Variants in TUSC3 observed in about 807,000 individuals in gnomAD.
TUSC3 encodes the protein tumor suppressor candidate 3.
In TUSC3, 45 loss-of-function variants were observed where a neutral mutation model predicts 44.8. The observed-to-expected ratio is 1.00, with a 90% CI of 0.79 to 1.29. The LOEUF is 1.29. Ranked by LOEUF, TUSC3 falls within the 50% of genes most tolerant of loss-of-function variation. The pLI is 0.00. For missense variants in TUSC3, 519 were observed against 437.9 expected (o/e 1.19, Z -1.65); for synonymous variants, 212 against 152.9 (o/e 1.39, Z -2.85).
chr8:15,546,639 A>T (rs953472476), intron 1 of TUSC3, among the ~76,000 whole-genome samples: 1 of 151,504 alleles, frequency 6.6e-6, no homozygotes, highest in Non-Finnish European at 1.5e-5. Context: ...GGGTTCAAGC[A>T]ATCCCCCTGC....
upstream of TUSC3, among the ~76,000 whole-genome samples, chr8:15,539,760 TGAATGA>T (rs1420685787): frequency 1.3e-5 from 2 of 152,132 alleles, no homozygotes; most frequent in Non-Finnish European, 2.9e-5. Context: ...CCATGGATGC[TGAATGA>T]GTCATTGAAT....
intron 1 of TUSC3, among the ~76,000 whole-genome samples, chr8:15,605,648 A>G (rs920612625): frequency 6.6e-6 from 1 of 151,988 alleles, no homozygotes; most frequent in Non-Finnish European, 1.5e-5. Flanking sequence ...GAGGGCATAA[A>G]ATGTATATAC....
At chr8:15,835,701 G>C in the TUSC3 span, among the ~76,000 whole-genome samples, 2 of 152,266 alleles carry the variant, frequency 1.3e-5, no homozygotes, top group African/African-American at 4.8e-5. Flanking sequence ...GCAGCTAGGA[G>C]AGAAGATACA....
intron 2 of TUSC3, among the ~76,000 whole-genome samples, chr8:15,507,541 C>G (rs5017330): frequency 0.46 from 69,985 of 151,856 alleles, 17,220 homozygotes; most frequent in Non-Finnish European, 0.57. Flanking sequence ...AGGAGTCTCT[C>G]CCTTTTTTGA....
chr8:15,703,654 T>G (rs898622444), intron 6 of TUSC3, among the ~76,000 whole-genome samples: 1 of 152,100 alleles, frequency 6.6e-6, no homozygotes, highest in African/African-American at 2.4e-5. Context: ...GCCAAAGTTA[T>G]GGGGAGCCAG....
intron 2 of TUSC3, among the ~76,000 whole-genome samples, chr8:15,638,656 G>A (rs900734127): frequency 2.6e-5 from 4 of 151,388 alleles, no homozygotes; most frequent in Admixed American, 6.6e-5. Context: ...CTCCTTAGTA[G>A]CTGGGATTAC....
intron 1 of TUSC3, among the ~76,000 whole-genome samples, chr8:15,621,013 C>T (rs1381198085): frequency 6.6e-6 from 1 of 151,618 alleles, no homozygotes; most frequent in Non-Finnish European, 1.5e-5. Flanking sequence ...GTGTGTTGTG[C>T]ATGTGTGTAA....
intron 1 of TUSC3, among the ~76,000 whole-genome samples, chr8:15,611,268 A>G (rs1337447758): frequency 2.6e-5 from 4 of 152,004 alleles, no homozygotes; most frequent in African/African-American, 9.7e-5. Flanking sequence ...CTCACTGCAA[A>G]TCCCGCCTCC....
upstream of TUSC3, among the ~76,000 whole-genome samples, chr8:15,538,244 A>G (rs1442861892): frequency 1.3e-5 from 2 of 152,212 alleles, no homozygotes; most frequent in Non-Finnish European, 2.9e-5. Context: ...TGTTTAGTCT[A>G]TTGAAGCTTG....
Position 15,651,272 on chromosome 8 carries a change from C to T in TUSC3, c.426+458C>T, listed in dbSNP as rs1382289197. Among the ~76,000 whole-genome samples the T allele has an allele frequency of 3.3e-5, 5 of 152,210 alleles. No individual in the cohort carries two copies. The East Asian group carries it at 7.7e-4, about 24-fold the overall frequency. ...AGTGTATTATAGATAGTATTTTGCA[C>T]AGATTTGTGACATTTTATATAAAAT... On this transcript the variant is annotated intron_variant, in intron 3 of 10. Transcript: ENST00000503731.
At chr8:15,651,434 G>A (rs2129175910) in intron 3 of TUSC3, among the ~76,000 whole-genome samples, 1 of 152,236 alleles carries the variant, frequency 6.6e-6, no homozygotes, top group East Asian at 1.9e-4. Flanking sequence ...TTCATAAGTT[G>A]AAGCCATAGC....
intron 1 of TUSC3, among the ~76,000 whole-genome samples, chr8:15,562,942 GGT>G (rs1325820323): frequency 1.3e-5 from 2 of 152,006 alleles, no homozygotes; most frequent in African/African-American, 4.8e-5. Flanking sequence ...TGCCATATAA[GGT>G]AACATAATTG....
At chr8:15,424,982 A>G (rs1799786264) in intron 1 of TUSC3, among the ~76,000 whole-genome samples, 1 of 152,178 alleles carries the variant, frequency 6.6e-6, no homozygotes, top group African/African-American at 2.4e-5. Context: ...ATTGTATATT[A>G]CAAAGGTCTT....
chr8:15,603,786 TA>T (rs1278091414), intron 1 of TUSC3, among the ~76,000 whole-genome samples: 1 of 123,146 alleles, frequency 8.1e-6, no homozygotes, highest in Admixed American at 7.9e-5. Context: ...CTGCTAATTC[TA>T]TTTTTTTTTT....
At chr8:15,831,234 C>G in the TUSC3 span, among the ~76,000 whole-genome samples, 1 of 152,150 alleles carries the variant, frequency 6.6e-6, no homozygotes, top group Non-Finnish European at 1.5e-5. Context: ...GTCAGCTAAA[C>G]CCACCTTATA....
chr8:15,485,184 A>G lies in TUSC3; in HGVS notation n.189+1701A>G, dbSNP rs75693819. On this transcript the variant is annotated intron_variant and non_coding_transcript_variant, in intron 2 of 5. Transcript: ENST00000503191. Reference sequence around the variant, plus strand: ...ATAGCCATATTCCTCATTTGTATCTATAAGGACACCCTCACCAAGTTCCTC... The same window carrying G: ...ATAGCCATATTCCTCATTTGTATCTGTAAGGACACCCTCACCAAGTTCCTC... Among the ~76,000 whole-genome samples the G allele has an allele frequency of 4.6e-3, 705 of 152,250 alleles. 3 individuals are homozygous for G. The highest frequency in any genetic ancestry group is 7.8e-3 in the Non-Finnish European group (531 of 68,016).
At chr8:15,657,690 G>T (rs1232645432) in intron 3 of TUSC3, among the ~76,000 whole-genome samples, 1 of 152,006 alleles carries the variant, frequency 6.6e-6, no homozygotes, top group Non-Finnish European at 1.5e-5. Flanking sequence ...TGCTCTTCCA[G>T]ATTCTTTCAG....
At chr8:15,812,410 T>C in the TUSC3 span, among the ~76,000 whole-genome samples, 3 of 151,962 alleles carry the variant, frequency 2.0e-5, no homozygotes, top group Non-Finnish European at 1.5e-5. Flanking sequence ...TTTGAGAAAA[T>C]GGTTTTGATT....
At chr8:15,459,875 T>TGTATAC (rs1554503596) in intron 1 of TUSC3, among the ~76,000 whole-genome samples, 25 of 148,278 alleles carry the variant, frequency 1.7e-4, no homozygotes, top group South Asian at 6.3e-4. Context: ...TGTGTGTGTG[T>TGTATAC]ATACATACAT....
Sources: gnomAD v4.1 joint callset for allele counts (sites outside exome capture counted in the v4.1 genomes callset) on GRCh38, gnomAD v4.1.1 for gene constraint, MANE v1.5 for transcripts, NCBI Gene and HGNC (gene_info 2026-07-23, HGNC 2026-07-21) for gene names.